The following ZC3H3 variants were observed in gnomAD, a reference collection of about 807,000 sequenced individuals.
The protein encoded by ZC3H3 is zinc finger CCCH domain-containing protein 3.
Under a neutral mutation model 77.3 loss-of-function variants are expected in ZC3H3, and 36 were observed. The observed-to-expected ratio is 0.47, with a 90% confidence interval of 0.36 to 0.61. The LOEUF (loss-of-function observed/expected upper bound fraction) is 0.61, where lower values mean the gene tolerates loss of function less well. Among genes scored for constraint, ZC3H3 ranks in the 20% least tolerant of loss-of-function variants. The pLI, the probability that ZC3H3 is intolerant of heterozygous loss-of-function variation, is 0.00. For synonymous variants in ZC3H3, 626 were observed against 555.2 expected (o/e 1.13, Z -1.79); for missense variants, 1,331 against 1,312.2 (o/e 1.01, Z -0.22).
intron 4 of ZC3H3, among the ~76,000 whole-genome samples, chr8:143,503,325 C>T (rs1276503024): frequency 1.3e-5 from 2 of 152,186 alleles, no homozygotes; most frequent in Non-Finnish European, 2.9e-5. Context: ...CCAGTCTCCA[C>T]ACATGATGTC....
At chr8:143,472,002 C>A (rs539353424) in intron 5 of ZC3H3, among the ~76,000 whole-genome samples, 2 of 152,270 alleles carry the variant, frequency 1.3e-5, no homozygotes, top group Admixed American at 6.5e-5. Context: ...TCTGCACAGC[C>A]CCAGGACTGC....
At chr8:143,510,836 T>C (rs1821847522) in intron 3 of ZC3H3, among the ~76,000 whole-genome samples, 1 of 152,118 alleles carries the variant, frequency 6.6e-6, no homozygotes, top group Non-Finnish European at 1.5e-5. Context: ...TAATTTTTTT[T>C]CTCCACGTGA....
Position 143,536,405 on chromosome 8 carries a change from C to G in ZC3H3, c.1413G>C (p.Lys471Asn). The G allele has an allele frequency of 6.4e-7, 1 of 1,566,450 alleles. No individual in the cohort carries two copies. Among genetic ancestry groups the G allele is most frequent in the Non-Finnish European group, 8.7e-7 (1 of 1,154,010 alleles). The part of the protein sequence containing the change: ...KSGTSPAATA[K>N]SHLSLRRRQA... ...GTCTCCGCCGGAGGCTGAGGTGGCT[C>G]TTGGCGGTGGCGGCAGGTGAGGTGC... The change falls in exon 3 of 12, where the codon AAG becomes AAC. Residue 471 changes from lysine (K) to asparagine (N), a missense_variant. Physicochemically the swap from Lys to Asn is moderately conservative, Grantham distance 94. Transcript: ENST00000262577.
Position 143,440,379 on chromosome 8 carries a change from G to C in ZC3H3, c.2493-16C>G. 3.3e-6 allele frequency: 5 copies of C among 1,511,414 alleles called. No homozygotes were observed. The highest frequency in any genetic ancestry group is 4.4e-6 in the Non-Finnish European group (5 of 1,130,472). 93.6% of individuals were successfully genotyped at this position (1,511,414 alleles called of 1,614,324 possible). ...TGAAGGCTTCCTGCAGGGAAGGAAG[G>C]GGCAGACGTGTGAGGTGGGGTGACG... is the stretch of plus-strand genomic sequence containing the variant. On this transcript the variant is annotated splice_polypyrimidine_tract_variant and intron_variant, in intron 10 of 11. Transcript: ENST00000262577.
chr8:143,491,129 C>T (rs1405376715), intron 4 of ZC3H3, among the ~76,000 whole-genome samples: 4 of 152,166 alleles, frequency 2.6e-5, no homozygotes, highest in Non-Finnish European at 5.9e-5. Context: ...CACACATATC[C>T]ACGGCTGGGC....
intron 9 of ZC3H3, among the ~76,000 whole-genome samples, chr8:143,447,486 T>C (rs1409042314): frequency 1.3e-5 from 2 of 152,216 alleles, no homozygotes; most frequent in Non-Finnish European, 2.9e-5. Context: ...GGTCTGGAGT[T>C]GACAGTTACA....
At chr8:143,519,673 C>A (rs888119682) in intron 3 of ZC3H3, among the ~76,000 whole-genome samples, 1 of 152,186 alleles carries the variant, frequency 6.6e-6, no homozygotes, top group African/African-American at 2.4e-5. Context: ...GCGGCCCACA[C>A]AGCAGCACGG....
chr8:143,541,002 T>C (rs922040036), intron 1 of ZC3H3, among the ~76,000 whole-genome samples: 1 of 152,158 alleles, frequency 6.6e-6, no homozygotes, highest in African/African-American at 2.4e-5. Flanking sequence ...GCCCTTAGCC[T>C]GCTCTGCCGA....
rs1360602185 is a variant in ZC3H3 at position 143,462,033 on chromosome 8, G to A, written c.2307+3684C>T. 6.6e-6 allele frequency among the ~76,000 whole-genome samples: 1 copy of A among 151,794 alleles called. No individual in the cohort carries two copies. Among genetic ancestry groups the A allele is most frequent in the East Asian group, 1.9e-4 (1 of 5,174 alleles). Reference sequence around the variant, plus strand: ...TCAAAGGGTTAGATCACCGTTGAGGGAAAGCACCCACGACATGAAGAAAAA... The same window carrying A: ...TCAAAGGGTTAGATCACCGTTGAGGAAAAGCACCCACGACATGAAGAAAAA... On this transcript the variant is annotated intron_variant, in intron 9 of 11. Coordinates refer to ENST00000262577, the MANE Select transcript of ZC3H3 (RefSeq NM_015117.3). The surrounding 1 kb of genome is among the most constrained non-coding windows in gnomAD (Gnocchi z 4.7).
rs577426885 is a variant in ZC3H3, at chr8:143,536,183, T to C, written c.1561+74A>G. ...CAGCATGAGGCAGGGAAGGTGCCCA[T>C]GGCTCCTAACACGCCAGCATATCCC... On this transcript the variant is annotated intron_variant, in intron 3 of 11. Transcript: ENST00000262577. The C allele has an allele frequency of 1.9e-5, 29 of 1,494,012 alleles. No homozygotes were observed. The African/African-American group carries it at 2.6e-4, about 14-fold the overall frequency. The allele number at this position is 1,494,012 out of a possible 1,614,324, so 92.5% of individuals were successfully genotyped here. A position where few individuals can be genotyped will look rare whatever the true frequency, so the allele number is the denominator to read the frequency against.
chr8:143,453,881 C>A (rs1327081168), intron 9 of ZC3H3, among the ~76,000 whole-genome samples: 1 of 152,086 alleles, frequency 6.6e-6, no homozygotes, highest in African/African-American at 2.4e-5. Flanking sequence ...TTCACTCAAA[C>A]TGGCAAAACG....
chr8:143,514,298 C>A (rs919456446), intron 3 of ZC3H3, among the ~76,000 whole-genome samples: 1 of 152,124 alleles, frequency 6.6e-6, no homozygotes, highest in Non-Finnish European at 1.5e-5. Context: ...GGCCGTGTGT[C>A]CCCACCACTC....
In ZC3H3 at chr8:143,476,012, C is replaced by A. The variant is rs559327792; in HGVS notation, c.1716-427G>T. ...GGTAAGGGTCCCTGGGGCTGCAGGG[C>A]AGAGGGGCTGCAAGGTGTCTGCGTG... On this transcript the variant is annotated intron_variant, in intron 4 of 11. Coordinates refer to ENST00000262577, the MANE Select transcript of ZC3H3 (RefSeq NM_015117.3). Among the ~76,000 whole-genome samples, 6 of 152,320 alleles carry A rather than the reference C, an allele frequency of 3.9e-5. No homozygotes were observed. The South Asian group carries it at 1.2e-3, about 32-fold the overall frequency.
chr8:143,480,645 C>G (rs1820882489), intron 4 of ZC3H3, among the ~76,000 whole-genome samples: 1 of 152,248 alleles, frequency 6.6e-6, no homozygotes, highest in African/African-American at 2.4e-5. Flanking sequence ...CCCAGCTCAG[C>G]AGAAACACAT....
intron 3 of ZC3H3, among the ~76,000 whole-genome samples, chr8:143,521,057 G>A (rs1305557216): frequency 1.3e-5 from 2 of 152,174 alleles, no homozygotes; most frequent in Non-Finnish European, 2.9e-5. Flanking sequence ...CAGCTGGCCT[G>A]GGGCAGTGAA....
intron 3 of ZC3H3, among the ~76,000 whole-genome samples, chr8:143,526,590 T>C (rs1288942872): frequency 6.6e-6 from 1 of 152,108 alleles, no homozygotes; most frequent in Non-Finnish European, 1.5e-5. Context: ...ACGACCCACC[T>C]GTGGGACCAC....
intron 5 of ZC3H3, among the ~76,000 whole-genome samples, chr8:143,469,722 G>A (rs897410964): frequency 1.2e-4 from 19 of 152,140 alleles, no homozygotes; most frequent in African/African-American, 3.6e-4. Flanking sequence ...GGTCTGCTCC[G>A]GTGACACAGC....
At chr8:143,528,702 A>G (rs549262490) in intron 3 of ZC3H3, among the ~76,000 whole-genome samples, 28 of 152,342 alleles carry the variant, frequency 1.8e-4, no homozygotes, top group African/African-American at 6.3e-4. Flanking sequence ...CCTGGTGGGC[A>G]GCCCTCTGCC....
In ZC3H3 at chr8:143,536,405, C is replaced by T. The variant is rs1409183466; in HGVS notation, c.1413G>A (p.Lys471=). ...GTCTCCGCCGGAGGCTGAGGTGGCT[C>T]TTGGCGGTGGCGGCAGGTGAGGTGC... ...KSGTSPAATA[K]SHLSLRRRQA... The change falls in exon 3 of 12, where the codon AAG becomes AAA. Residue 471 remains lysine (K), a synonymous_variant. Transcript: ENST00000262577. The T allele has an allele frequency of 6.4e-7, 1 of 1,566,450 alleles. No individual in the cohort carries two copies. The highest frequency in any genetic ancestry group is 1.9e-5 in the Admixed American group (1 of 53,092).
Sources: gnomAD v4.1 joint callset for allele counts (sites outside exome capture counted in the v4.1 genomes callset) on GRCh38, gnomAD v4.1.1 for gene constraint, Gnocchi (gnomAD v3.1) non-coding constraint, MANE v1.5 for transcripts, NCBI Gene and HGNC (gene_info 2026-07-23, HGNC 2026-07-21) for gene names.